Variants in RNF24 observed in about 807,000 individuals in gnomAD.
RNF24 encodes the protein ring finger protein 24.
In RNF24, 14 loss-of-function variants were observed where a neutral mutation model predicts 20.0. The observed-to-expected ratio is 0.70, with a 90% CI of 0.46 to 1.10. The LOEUF (loss-of-function observed/expected upper bound fraction) is 1.10. Ranked by LOEUF, RNF24 falls within the 50% of genes least tolerant of loss-of-function variation. RNF24 has a pLI of 0.00. For missense variants in RNF24, 124 were observed against 177.6 expected, an observed-to-expected ratio of 0.70 and a Z score of 1.71; for synonymous variants, 45 against 61.1, an observed-to-expected ratio of 0.74 and a Z score of 1.23.
intron 1 of RNF24, among the ~76,000 whole-genome samples, chr20:3,971,434 GA>G (rs1978348662): frequency 6.6e-6 from 1 of 152,164 alleles, no homozygotes; most frequent in African/African-American, 2.4e-5. Flanking sequence ...CAAGAAGGAA[GA>G]AACAACATGG....
intron 1 of RNF24, among the ~76,000 whole-genome samples, chr20:3,985,210 A>G (rs1174618498): frequency 6.6e-6 from 1 of 152,126 alleles, no homozygotes; most frequent in African/African-American, 2.4e-5. Flanking sequence ...ATTTTAAAAT[A>G]TGTTTCATCG....
At chr20:3,939,911 G>T (rs2090934850) in intron 4 of RNF24, among the ~76,000 whole-genome samples, 1 of 151,864 alleles carries the variant, frequency 6.6e-6, no homozygotes, top group Non-Finnish European at 1.5e-5. Context: ...GGCTTCTTTT[G>T]TTAAATTTAT....
At chr20:3,961,895 A>G (rs1317709611) in intron 2 of RNF24, among the ~76,000 whole-genome samples, 2 of 152,196 alleles carry the variant, frequency 1.3e-5, no homozygotes, top group African/African-American at 4.8e-5. Flanking sequence ...TAATTTTAAA[A>G]AATGCTGAAT....
chr20:3,983,328 C>G (rs1979590615), intron 1 of RNF24, among the ~76,000 whole-genome samples: 1 of 151,806 alleles, frequency 6.6e-6, no homozygotes, highest in Admixed American at 6.6e-5. Context: ...TTAGTTTATC[C>G]CTAGTTACCA....
intron 1 of RNF24, among the ~76,000 whole-genome samples, chr20:3,970,576 A>G (rs1600672116): frequency 6.6e-6 from 1 of 152,368 alleles, no homozygotes; most frequent in Non-Finnish European, 1.5e-5. Context: ...TGTTTAAGCA[A>G]GCATTTATGA....
chr20:3,987,198 A>C (rs1345710428), intron 1 of RNF24, among the ~76,000 whole-genome samples: 1 of 152,240 alleles, frequency 6.6e-6, no homozygotes, highest in Admixed American at 6.5e-5. Context: ...ACACAGAGTG[A>C]TGCAGAGACA....
chr20:3,987,880 T>C (rs1256005853), intron 1 of RNF24, among the ~76,000 whole-genome samples: 1 of 151,950 alleles, frequency 6.6e-6, no homozygotes, highest in Non-Finnish European at 1.5e-5. Flanking sequence ...GCTAGATATA[T>C]GAGAAAAACA....
chr20:4,010,967 A>C (rs1191799744), intron 1 of RNF24, among the ~76,000 whole-genome samples: 1 of 152,208 alleles, frequency 6.6e-6, no homozygotes, highest in Admixed American at 6.5e-5. Flanking sequence ...GGCACAAAGA[A>C]TAGCATATTG....
At chr20:3,991,410 G>A (rs755333638) in intron 1 of RNF24, among the ~76,000 whole-genome samples, 2 of 151,894 alleles carry the variant, frequency 1.3e-5, no homozygotes, top group Admixed American at 1.3e-4. Context: ...GTGCCACCAT[G>A]CCCAGCTAAT....
At chr20:3,982,778 A>G (rs1228343145) in intron 1 of RNF24, among the ~76,000 whole-genome samples, 1 of 152,044 alleles carries the variant, frequency 6.6e-6, no homozygotes, top group Non-Finnish European at 1.5e-5. Flanking sequence ...GGTCCCAGCT[A>G]CTTGGGATGT....
Position 3,928,039 on chromosome 20 carries a change from C to T in RNF24, c.*6024G>A, listed in dbSNP as rs1032557045. The T allele has an allele frequency of 6.6e-6, 1 of 152,198 alleles. No homozygotes were observed. The highest frequency in any genetic ancestry group is 1.5e-5 in the Non-Finnish European group (1 of 68,040). The allele number at this position is 152,198 out of a possible 1,614,324, so 9.4% of individuals were successfully genotyped here. A position where few individuals can be genotyped will look rare whatever the true frequency, so the allele number is the denominator to read the frequency against. On this transcript the variant is annotated 3_prime_UTR_variant, in exon 6 of 6. Transcript: ENST00000358395. ...ATCCCCACTCAAATGGAAGCACACT[C>T]CCCAGCACATGGGGATCCCTTATTA...
intron 4 of RNF24, among the ~76,000 whole-genome samples, chr20:3,943,301 ATTT>A (rs562360151): frequency 6.9e-6 from 1 of 145,590 alleles, no homozygotes. Context: ...TCCCAGCAGG[ATTT>A]TTTTTTTTTT....
intron 1 of RNF24, among the ~76,000 whole-genome samples, chr20:3,977,830 C>T (rs992071372): frequency 6.8e-6 from 1 of 147,582 alleles, no homozygotes; most frequent in Non-Finnish European, 1.5e-5. Context: ...CGCCACTGCA[C>T]TCCAGCCTGG....
intron 1 of RNF24, among the ~76,000 whole-genome samples, chr20:3,992,178 T>G (rs1980503642): frequency 6.6e-6 from 1 of 152,218 alleles, no homozygotes; most frequent in Non-Finnish European, 1.5e-5. Flanking sequence ...TATTCAAAGG[T>G]AAGCACTACT....
chr20:4,002,330 G>A (rs945912373), intron 1 of RNF24, among the ~76,000 whole-genome samples: 2 of 151,808 alleles, frequency 1.3e-5, no homozygotes, highest in African/African-American at 4.8e-5. Flanking sequence ...AGCTTGCAGT[G>A]AGCCAAGATG....
At chr20:3,983,293 A>G (rs1979585473) in intron 1 of RNF24, among the ~76,000 whole-genome samples, 1 of 152,162 alleles carries the variant, frequency 6.6e-6, no homozygotes, top group South Asian at 2.1e-4. Context: ...TGTATAGCTT[A>G]TTCATACAGG....
chr20:3,935,200 A>AG, intron 4 of RNF24, 127 bp from the exon 5 acceptor site: 1 of 636,832 alleles, frequency 1.6e-6, no homozygotes, highest in East Asian at 2.8e-5. Flanking sequence ...TTAAAAAAAA[A>AG]AGAAATGAAT....
chr20:3,966,810 A>C (rs753842614), intron 1 of RNF24, among the ~76,000 whole-genome samples: 6 of 152,164 alleles, frequency 3.9e-5, no homozygotes, highest in Non-Finnish European at 7.3e-5. Context: ...CATTCTGTAC[A>C]AAGACTCAGA....
At chr20:3,998,442 G>C (rs942489564) in intron 1 of RNF24, among the ~76,000 whole-genome samples, 1 of 151,994 alleles carries the variant, frequency 6.6e-6, no homozygotes, top group Non-Finnish European at 1.5e-5. Context: ...AGGCATGGTG[G>C]GACATGCCCG....
Sources: gnomAD v4.1 joint callset for allele counts (sites outside exome capture counted in the v4.1 genomes callset) on GRCh38, gnomAD v4.1.1 for gene constraint, MANE v1.5 for transcripts, NCBI Gene and HGNC (gene_info 2026-07-23, HGNC 2026-07-21) for gene names.